SUGP1: variants seen among roughly 807,000 people sequenced by gnomAD.
SUGP1 encodes the protein SURP and G-patch domain containing 1, also known as SURP and G-patch domain-containing protein 1.
SUGP1 carries 34 observed loss-of-function variants against 76.5 expected under a neutral mutation model. The observed-to-expected ratio is 0.44, with a 90% CI of 0.34 to 0.59. SUGP1 has a LOEUF of 0.59. Ranked by LOEUF, SUGP1 falls within the 20% of genes least tolerant of loss-of-function variation. The pLI is 0.01. For synonymous variants in SUGP1, 326 were observed against 326.2 expected (o/e 1.00, Z 0.01); for missense variants, 752 against 851.7 (o/e 0.88, Z 1.46).
rs570232030 is a variant in SUGP1 at position 19,319,706 on chromosome 19, C to CAA, written c.34+755_34+756dup. On this transcript the variant is annotated intron_variant, in intron 1 of 13. Transcript: ENST00000247001. The stretch of plus-strand genomic sequence containing the variant: ...TGGGCGACAAAGTGAGACCCTGTCT[C>CAA]AAAAAAAAAAAAAAAAAAAAAAAGA... Among the ~76,000 whole-genome samples the CAA allele has an allele frequency of 8.4e-3, 573 of 68,452 alleles. 9 individuals are homozygous for CAA. The highest frequency in any genetic ancestry group is 0.011 in the South Asian group (17 of 1,548). 44.9% of individuals were successfully genotyped at this position (68,452 alleles called of 152,430 possible). A position where few individuals can be genotyped will look rare whatever the true frequency, so the allele number is the denominator to read the frequency against.
intron 3 of SUGP1, among the ~76,000 whole-genome samples, chr19:19,308,662 C>T (rs1002509164): frequency 6.6e-6 from 1 of 152,274 alleles, no homozygotes; most frequent in Admixed American, 6.5e-5. Flanking sequence ...TCTCTGAAAA[C>T]CCTGTATGCA....
chr19:19,303,526 C>G, intron 5 of SUGP1, 78 bp from the exon 6 acceptor site: 1 of 1,435,070 alleles, frequency 7.0e-7, no homozygotes, highest in Non-Finnish European at 9.8e-7. Flanking sequence ...TTCTATCGTG[C>G]AAAAAAAGGC....
Position 19,318,113 on chromosome 19 carries a change from C to CTTTTCTTTTTTTT in SUGP1, c.35-1521_35-1520insAAAAAAAAGAAAA, listed in dbSNP as rs55849619. Among the ~76,000 whole-genome samples the CTTTTCTTTTTTTT allele has an allele frequency of 2.3e-3, 226 of 97,614 alleles. 8 individuals carry two copies. The highest frequency in any genetic ancestry group is 0.01 in the Middle Eastern group (1 of 98). 64.0% of individuals were successfully genotyped at this position (97,614 alleles called of 152,430 possible). On this transcript the variant is annotated intron_variant, in intron 1 of 13. Coordinates refer to ENST00000247001, the MANE Select transcript of SUGP1 (RefSeq NM_172231.4). ...GGCGTGAGCCACCGAACCCAGCCTT[C>CTTTTCTTTTTTTT]TTTTTTTTTTTTTTTTTTTTTGAGA...
At chr19:19,314,992 C>A (rs549379436) in intron 2 of SUGP1, among the ~76,000 whole-genome samples, 3 of 151,868 alleles carry the variant, frequency 2.0e-5, no homozygotes, top group Non-Finnish European at 4.4e-5. Context: ...TGAGATCGTG[C>A]CACTGCACTC....
intron 8 of SUGP1, among the ~76,000 whole-genome samples, chr19:19,290,752 T>C (rs1383076785): frequency 6.6e-6 from 1 of 152,220 alleles, no homozygotes; most frequent in Non-Finnish European, 1.5e-5. Flanking sequence ...TGAAGAGAAG[T>C]TTATTATAGA....
intron 8 of SUGP1, among the ~76,000 whole-genome samples, chr19:19,289,746 T>G (rs1220953350): frequency 6.6e-6 from 1 of 151,428 alleles, no homozygotes; most frequent in African/African-American, 2.4e-5. Context: ...AGACTCTGCC[T>G]CAAAAAAAAC....
intron 8 of SUGP1, among the ~76,000 whole-genome samples, chr19:19,287,450 T>C (rs2061150006): frequency 6.6e-6 from 1 of 152,016 alleles, no homozygotes; most frequent in African/African-American, 2.4e-5. Flanking sequence ...TAATCCCAGC[T>C]ACTCGGGAGG....
chr19:19,286,176 A>G (rs900577052), intron 8 of SUGP1, among the ~76,000 whole-genome samples: 3 of 152,204 alleles, frequency 2.0e-5, no homozygotes, highest in Non-Finnish European at 4.4e-5. Context: ...TGCTTGTTAA[A>G]GTTCTTTTGA....
At chr19:19,303,046 G>A (rs1158036975) in intron 6 of SUGP1, among the ~76,000 whole-genome samples, 1 of 152,064 alleles carries the variant, frequency 6.6e-6, no homozygotes, top group African/African-American at 2.4e-5. Context: ...ACAAGCAAAA[G>A]CCCCCTCTAC....
At chr19:19,293,323 C>T (rs1273745183) in intron 8 of SUGP1, among the ~76,000 whole-genome samples, 1 of 152,042 alleles carries the variant, frequency 6.6e-6, no homozygotes, top group Non-Finnish European at 1.5e-5. Context: ...GTGGCTCACG[C>T]CTGTAATCCC....
In SUGP1 at chr19:19,309,771, G is replaced by T. The variant is rs144341325; in HGVS notation, c.310+326C>A. The stretch of plus-strand genomic sequence containing the variant: ...TAAAAATATTTAAAAAATTAGCCGG[G>T]CGTGGTGGCGGGCGTCTGTAGTCCC... On this transcript the variant is annotated intron_variant, in intron 3 of 13. Transcript: ENST00000247001. Among the ~76,000 whole-genome samples the T allele has an allele frequency of 1.5e-3, 230 of 152,254 alleles. 8 individuals carry two copies. In the East Asian group the frequency reaches 0.041, roughly 27 times the overall value.
At chr19:19,288,846 C>T (rs182020196) in intron 8 of SUGP1, among the ~76,000 whole-genome samples, 1 of 152,048 alleles carries the variant, frequency 6.6e-6, no homozygotes, top group Non-Finnish European at 1.5e-5. Flanking sequence ...AGTGCAGTGG[C>T]GCGATCTCAG....
chr19:19,304,149 T>C, intron 4 of SUGP1: 1 of 809,690 alleles, frequency 1.2e-6, no homozygotes, highest in Non-Finnish European at 1.9e-6. Flanking sequence ...GCTTAATTCT[T>C]TTCTTTCTTT....
chr19:19,313,541 T>A (rs992487063), intron 2 of SUGP1, among the ~76,000 whole-genome samples: 1 of 152,134 alleles, frequency 6.6e-6, no homozygotes, highest in African/African-American at 2.4e-5. Context: ...TGAGACCCCA[T>A]CTACACAAAA....
At position 19,276,647 on chromosome 19, in the gene SUGP1, C is replaced by G; in HGVS notation, c.*1G>C. 6.2e-7 allele frequency: 1 copy of G among 1,614,136 alleles called. No homozygotes were observed. The highest frequency in any genetic ancestry group is 8.5e-7 in the Non-Finnish European group (1 of 1,180,026). On this transcript the variant is annotated 3_prime_UTR_variant, in exon 14 of 14. Transcript: ENST00000247001. ...TCAGAAAGTATGTATTTCCAGAACACTCAGTAGTAAGGCCGTCTGGGATTG... is the reference window on the plus strand; with the variant it reads ...TCAGAAAGTATGTATTTCCAGAACAGTCAGTAGTAAGGCCGTCTGGGATTG...
Position 19,279,322 on chromosome 19 carries a change from C to G in SUGP1, c.1419G>C (p.Glu473Asp). 2 of 1,611,200 alleles carry G rather than the reference C, an allele frequency of 1.2e-6. No homozygotes were observed. Among genetic ancestry groups the G allele is most frequent in the Non-Finnish European group, 1.7e-6 (2 of 1,179,816 alleles). Reference sequence around the variant, plus strand: ...CGTGCTGGTGCTGTTGGACTGCCTTCTCCCACAGCAGCTGCATGTCCTGCA... The same window carrying G: ...CGTGCTGGTGCTGTTGGACTGCCTTGTCCCACAGCAGCTGCATGTCCTGCA... ...RAMQDMQLLW[E>D]KAVQQHQHGY... The change falls in exon 10 of 14, where the codon GAG (glutamate) becomes GAC (aspartate). Residue 473 changes from glutamate (E) to aspartate (D), a missense_variant. Transcript: ENST00000247001.
At chr19:19,307,658 CT>C (rs58906074) in intron 3 of SUGP1, among the ~76,000 whole-genome samples, 109 of 145,684 alleles carry the variant, frequency 7.5e-4, no homozygotes, top group Middle Eastern at 3.6e-3. Context: ...TGGTATTTTT[CT>C]TTTTTTTTTT....
chr19:19,276,712 A>G, intron 13 of SUGP1, 38 bp from the exon 14 acceptor site: 1 of 1,613,916 alleles, frequency 6.2e-7, no homozygotes, highest in Non-Finnish European at 8.5e-7. Flanking sequence ...GGAGGGGATT[A>G]GCACTAAAGA....
intron 3 of SUGP1, among the ~76,000 whole-genome samples, chr19:19,307,489 T>C (rs2061325616): frequency 1.3e-5 from 2 of 152,110 alleles, no homozygotes. Flanking sequence ...GAAAAAAGCT[T>C]GGAACAAAAC....
Sources: allele counts gnomAD v4.1 joint callset (sites outside exome capture counted in the v4.1 genomes callset), GRCh38; gene constraint gnomAD v4.1.1; transcripts MANE v1.5; gene names NCBI Gene and HGNC (gene_info 2026-07-23, HGNC 2026-07-21).